RBPMS: variants seen among roughly 807,000 people sequenced by gnomAD.
RBPMS encodes the protein RNA binding protein, mRNA processing factor, also known as RNA-binding protein with multiple splicing.
In RBPMS, 7 loss-of-function variants were observed where a neutral mutation model predicts 26.8. The observed-to-expected ratio is 0.26, with a 90% CI of 0.15 to 0.49. RBPMS has a LOEUF of 0.49. RBPMS is among the 20% of genes least tolerant of loss of function. The pLI is 0.98. For synonymous variants in RBPMS, 96 were observed against 93.3 expected, an observed-to-expected ratio of 1.03 and a Z score of -0.17; for missense variants, 186 against 250.0, an observed-to-expected ratio of 0.74 and a Z score of 1.73.
chr8:30,560,876 C>T (rs543898890), intron 7 of RBPMS, among the ~76,000 whole-genome samples: 1 of 152,172 alleles, frequency 6.6e-6, no homozygotes, highest in East Asian at 1.9e-4. Flanking sequence ...ACCAGAGGCC[C>T]CCATATATAG....
intron 4 of RBPMS, among the ~76,000 whole-genome samples, chr8:30,487,622 T>G (rs1818928968): frequency 1.3e-5 from 2 of 152,124 alleles, no homozygotes; most frequent in South Asian, 4.1e-4. Context: ...AGTCAAAATT[T>G]TTTATATGTA....
intron 5 of RBPMS, among the ~76,000 whole-genome samples, chr8:30,510,820 G>A (rs1369217257): frequency 6.6e-6 from 1 of 152,086 alleles, no homozygotes; most frequent in African/African-American, 2.4e-5. Context: ...CAATCCACCT[G>A]CCTTGGCCTC....
chr8:30,559,183 C>A (rs374010852), intron 7 of RBPMS, among the ~76,000 whole-genome samples: 103 of 152,288 alleles, frequency 6.8e-4, no homozygotes, highest in African/African-American at 2.4e-3. Flanking sequence ...CTTAGGAAAC[C>A]AGTACCTGGC....
At chr8:30,408,332 C>A (rs558251293) in intron 1 of RBPMS, among the ~76,000 whole-genome samples, 2 of 152,270 alleles carry the variant, frequency 1.3e-5, no homozygotes, top group East Asian at 3.9e-4. Flanking sequence ...AGTTTGAGAC[C>A]AGCCTGGCCA....
At position 30,385,266 on chromosome 8, in the gene RBPMS, C is replaced by T. The variant is rs1002440584; in HGVS notation, c.66+108C>T. On this transcript the variant is annotated intron_variant, in intron 1 of 8. Coordinates refer to ENST00000397323, the MANE Select transcript of RBPMS (RefSeq NM_001008710.3). Reference sequence around the variant, plus strand: ...GGTGGAAGAAGGTTCAGGCATGGCCCGTGCCCCGGACGCAGCCCCACAGTG... The same window carrying T: ...GGTGGAAGAAGGTTCAGGCATGGCCTGTGCCCCGGACGCAGCCCCACAGTG... 5.5e-6 allele frequency: 4 copies of T among 724,538 alleles called. No individual in the cohort carries two copies. The East Asian group carries it at 1.4e-4, about 26-fold the overall frequency. The allele number at this position is 724,538 out of a possible 1,614,324, so 44.9% of individuals were successfully genotyped here.
chr8:30,503,465 C>T (rs1259491312), intron 4 of RBPMS, among the ~76,000 whole-genome samples: 1 of 151,256 alleles, frequency 6.6e-6, no homozygotes, highest in Non-Finnish European at 1.5e-5. Context: ...CACCATGTTG[C>T]CCAGGCTGGT....
chr8:30,506,494 C>T, intron 5 of RBPMS, among the ~76,000 whole-genome samples: 1 of 152,134 alleles, frequency 6.6e-6, no homozygotes, highest in East Asian at 1.9e-4. Context: ...TATCCATTGC[C>T]ATTCCCTCTG....
chr8:30,411,681 A>AG (rs1554507357), intron 1 of RBPMS, among the ~76,000 whole-genome samples: 8 of 127,956 alleles, frequency 6.3e-5, no homozygotes, highest in African/African-American at 1.8e-4. Flanking sequence ...AAAAAAAAAA[A>AG]AAAGAAAAAG....
At chr8:30,394,025 C>T (rs977943615) in intron 1 of RBPMS, among the ~76,000 whole-genome samples, 3 of 62,050 alleles carry the variant, frequency 4.8e-5, no homozygotes, top group South Asian at 6.2e-4. Flanking sequence ...GTGATAAATG[C>T]CAGTCACACC....
chr8:30,410,566 A>ATGTG (rs144441518), intron 1 of RBPMS, among the ~76,000 whole-genome samples: 2 of 143,338 alleles, frequency 1.4e-5, no homozygotes, highest in Non-Finnish European at 3.2e-5. Flanking sequence ...GTGTGTGTGT[A>ATGTG]TGTGTGTGTG....
intron 1 of RBPMS, among the ~76,000 whole-genome samples, chr8:30,450,593 C>G (rs1814448525): frequency 2.0e-5 from 3 of 152,022 alleles, no homozygotes; most frequent in Admixed American, 1.3e-4. Flanking sequence ...GCCTTCAGTT[C>G]CACTTCTTGT....
chr8:30,451,534 C>T (rs1244524826), intron 1 of RBPMS, among the ~76,000 whole-genome samples: 1 of 152,150 alleles, frequency 6.6e-6, no homozygotes, highest in Non-Finnish European at 1.5e-5. Context: ...TCTCCACTGT[C>T]CCCTGCACCC....
intron 5 of RBPMS, among the ~76,000 whole-genome samples, chr8:30,526,254 G>C (rs942491517): frequency 1.3e-5 from 2 of 152,172 alleles, no homozygotes; most frequent in East Asian, 3.9e-4. Context: ...TTGCCTTCAG[G>C]CTTTTTGCTT....
At chr8:30,538,974 C>T (rs1326639615) in intron 5 of RBPMS, among the ~76,000 whole-genome samples, 1 of 152,048 alleles carries the variant, frequency 6.6e-6, no homozygotes, top group Non-Finnish European at 1.5e-5. Flanking sequence ...GTCCTGATGG[C>T]GGAAGAGCAT....
At chr8:30,540,749 T>G (rs142419175) in intron 5 of RBPMS, among the ~76,000 whole-genome samples, 1,753 of 152,330 alleles carry the variant, frequency 0.012, 17 homozygotes, top group Middle Eastern at 0.044. Flanking sequence ...TTTTTAAAGT[T>G]GTCTTGACTT....
intron 4 of RBPMS, among the ~76,000 whole-genome samples, chr8:30,480,967 G>A (rs532467912): frequency 6.6e-6 from 1 of 152,314 alleles, no homozygotes; most frequent in East Asian, 1.9e-4. Context: ...CACAGACTTG[G>A]CTCTCATTGC....
chr8:30,569,566 G>GTGTT (rs762854039), intron 8 of RBPMS, among the ~76,000 whole-genome samples: 12 of 152,230 alleles, frequency 7.9e-5, no homozygotes, highest in South Asian at 2.1e-4. Flanking sequence ...CTTGAAGGAT[G>GTGTT]TGTTAGGGAT....
At chr8:30,483,641 T>C (rs1818499527) in intron 4 of RBPMS, among the ~76,000 whole-genome samples, 1 of 152,130 alleles carries the variant, frequency 6.6e-6, no homozygotes, top group Admixed American at 6.5e-5. Context: ...TAATGACTTT[T>C]AAATGTACTC....
chr8:30,447,938 C>T (rs537701192), intron 1 of RBPMS, among the ~76,000 whole-genome samples: 1 of 152,288 alleles, frequency 6.6e-6, no homozygotes, highest in South Asian at 2.1e-4. Context: ...ATAGATAGCT[C>T]TCTGATACAA....
Sources: gnomAD v4.1 joint callset for allele counts (sites outside exome capture counted in the v4.1 genomes callset) on GRCh38, gnomAD v4.1.1 for gene constraint, MANE v1.5 for transcripts, NCBI Gene and HGNC (gene_info 2026-07-23, HGNC 2026-07-21) for gene names.